The following LYPD8 variants were observed in gnomAD, a reference collection of about 807,000 sequenced individuals.
The protein encoded by LYPD8 is LY6/PLAUR domain containing 8.
Under a neutral mutation model 1.7 loss-of-function variants are expected in LYPD8, and 8 were observed. The ratio of observed to expected loss-of-function variants is 4.58; its 90% CI spans 2.69 to 8.27. LYPD8 has a LOEUF of 8.27. Among genes scored for constraint, LYPD8 ranks in the 30% most tolerant of loss-of-function variants. The pLI, the probability that LYPD8 is intolerant of heterozygous loss-of-function variation, is 0.00. For synonymous variants in LYPD8, 50 were observed against 43.6 expected (o/e 1.15, Z -0.58); for missense variants, 112 against 102.3 (o/e 1.09, Z -0.41).
Position 248,750,535 on chromosome 1 carries a change from C to G in LYPD8, c.161G>C (p.Ser54Thr), listed in dbSNP as rs1662783274. Residue 54 changes from serine (S) to threonine (T), a missense_variant, in exon 4 of 7, where the codon AGC (serine) becomes ACC (threonine). By Grantham distance (58) the Ser-to-Thr change is moderately conservative. Transcript: ENST00000590317. ...ANTSCISSSA[S>T]SSLETPVRLY... ...ACACCCAGGCTCACCTAGAGAGGAG[C>G]TGGCTGAGGAGCTGATACAGCTGGT... is the stretch of plus-strand genomic sequence containing the variant. The G allele has an allele frequency of 2.5e-6, 1 of 398,544 alleles. No individual in the cohort carries two copies. The highest frequency in any genetic ancestry group is 2.1e-5 in the African/African-American group (1 of 48,626). 24.7% of individuals were successfully genotyped at this position (398,544 alleles called of 1,614,324 possible).
intron 2 of LYPD8, among the ~76,000 whole-genome samples, chr1:248,752,659 CCA>C (rs1253200894): frequency 1.1e-5 from 1 of 90,438 alleles, no homozygotes; most frequent in African/African-American, 4.1e-5. Context: ...ACAACACACA[CCA>C]CACACACCAC....
At chr1:248,751,594 C>T (rs1472283218) in intron 2 of LYPD8, among the ~76,000 whole-genome samples, 4 of 152,172 alleles carry the variant, frequency 2.6e-5, no homozygotes, top group Admixed American at 1.3e-4. Context: ...CTATTGAGCA[C>T]TTACTCCATT....
At chr1:248,753,588 CACA>C (rs1250508234) in intron 2 of LYPD8, among the ~76,000 whole-genome samples, 2 of 129,022 alleles carry the variant, frequency 1.6e-5, no homozygotes, top group Admixed American at 7.5e-5. Flanking sequence ...ACACAACACA[CACA>C]ACACAACACA....
At chr1:248,746,079 G>A (rs879022229) in intron 5 of LYPD8, among the ~76,000 whole-genome samples, 16,035 of 152,076 alleles carry the variant, frequency 0.11, 1,214 homozygotes, top group East Asian at 0.31. Context: ...CACCCTTCCC[G>A]TTGTATATGT....
intron 4 of LYPD8, among the ~76,000 whole-genome samples, chr1:248,749,399 G>C (rs1000141378): frequency 3.9e-5 from 6 of 152,172 alleles, no homozygotes; most frequent in African/African-American, 1.2e-4. Flanking sequence ...AACAGTATGT[G>C]TCTTAGTTCA....
chr1:248,746,268 G>A (rs941990120), intron 5 of LYPD8, among the ~76,000 whole-genome samples: 10 of 152,150 alleles, frequency 6.6e-5, no homozygotes, highest in African/African-American at 2.4e-4. Context: ...AAGACATAGA[G>A]TCTTAACAGA....
chr1:248,751,224 A>G, intron 2 of LYPD8, 94 bp from the exon 3 acceptor site: 1 of 396,168 alleles, frequency 2.5e-6, no homozygotes, highest in Admixed American at 4.4e-5. Context: ...CCCAGTACTC[A>G]GTCCATCCTT....
At chr1:248,745,455 G>A (rs1467962930) in intron 5 of LYPD8, among the ~76,000 whole-genome samples, 176 bp from the exon 6 acceptor site, 1 of 152,164 alleles carries the variant, frequency 6.6e-6, no homozygotes, top group African/African-American at 2.4e-5. Flanking sequence ...ACTACACACA[G>A]CTCCACAGAT....
At chr1:248,741,174 C>G (rs1662591443) in intron 6 of LYPD8, among the ~76,000 whole-genome samples, 1 of 152,190 alleles carries the variant, frequency 6.6e-6, no homozygotes, top group Non-Finnish European at 1.5e-5. Flanking sequence ...TAGAAACCTC[C>G]AAATGCTGTT....
chr1:248,748,527 CAA>C lies in LYPD8; in HGVS notation c.173-76_173-75del, dbSNP rs1205843235. 4.5e-5 allele frequency: 18 copies of C among 398,566 alleles called. No homozygotes were observed. The East Asian group carries it at 6.4e-4, about 14-fold the overall frequency. 24.7% of individuals were successfully genotyped at this position (398,566 alleles called of 1,614,324 possible). On this transcript the variant is annotated intron_variant, in intron 4 of 6. Coordinates refer to ENST00000590317, the MANE Select transcript of LYPD8 (RefSeq NM_001085474.2). ...TGGGGAGGGTGGAGACCCAGAATAGCAACTGTTTCAGGCAAAGGCAGAAAATG... is the reference window on the plus strand; with the variant it reads ...TGGGGAGGGTGGAGACCCAGAATAGCCTGTTTCAGGCAAAGGCAGAAAATG...
intron 2 of LYPD8, among the ~76,000 whole-genome samples, chr1:248,753,051 A>ACACACACCC (rs1364770344): frequency 2.5e-5 from 2 of 81,256 alleles, no homozygotes; most frequent in Non-Finnish European, 4.6e-5. Context: ...CACACATCAC[A>ACACACACCC]CACACACCCC....
intron 3 of LYPD8, 105 bp from the exon 4 acceptor site, chr1:248,750,748 C>T (rs971669378): frequency 1.3e-5 from 5 of 397,922 alleles, no homozygotes; most frequent in African/African-American, 2.1e-5. Context: ...AAAAGACAGA[C>T]GGGATGGCAT....
rs1430882538 is a variant in LYPD8 at position 248,748,359 on chromosome 1, A to T, written c.267T>A (p.Ala89=). ...HITAFTVHVS[A]EEHFHFVSQC... is the part of the protein sequence containing the mutation. Reference sequence around the variant, plus strand: ...GGCTTACAAAATGAAAGTGTTCTTCAGCAGACACGTGGACAGTGAAGGCTG... The same window carrying T: ...GGCTTACAAAATGAAAGTGTTCTTCTGCAGACACGTGGACAGTGAAGGCTG... Residue 89 remains alanine, a synonymous_variant, in exon 5 of 7, where the codon GCT becomes GCA. Coordinates refer to ENST00000590317, the MANE Select transcript of LYPD8 (RefSeq NM_001085474.2). 6 of 463,682 alleles carry T rather than the reference A, an allele frequency of 1.3e-5. No homozygotes were observed. Among genetic ancestry groups the T allele is most frequent in the Non-Finnish European group, 1.9e-5 (5 of 265,888 alleles). 28.7% of individuals were successfully genotyped at this position (463,682 alleles called of 1,614,324 possible).
chr1:248,752,283 A>G (rs1662812104), intron 2 of LYPD8, among the ~76,000 whole-genome samples: 2 of 151,958 alleles, frequency 1.3e-5, no homozygotes, highest in Admixed American at 6.6e-5. Context: ...GGCAGAGGCT[A>G]TTAGCCCCAC....
chr1:248,753,235 C>CAA (rs1662855825), intron 2 of LYPD8, among the ~76,000 whole-genome samples: 1 of 93,992 alleles, frequency 1.1e-5, no homozygotes, highest in South Asian at 3.6e-4. Flanking sequence ...CACACACACA[C>CAA]CACACACCCC....
chr1:248,753,491 C>A (rs1470607599), intron 2 of LYPD8, among the ~76,000 whole-genome samples: 2,685 of 116,766 alleles, frequency 0.023, 136 homozygotes, highest in East Asian at 0.077. Context: ...ACACACATCA[C>A]ACAACACACA....
Position 248,748,375 on chromosome 1 carries a change from G to C in LYPD8, c.251C>G (p.Thr84Ser). The C allele has an allele frequency of 2.2e-6, 1 of 451,088 alleles. No homozygotes were observed. The highest frequency in any genetic ancestry group is 3.9e-6 in the Non-Finnish European group (1 of 258,680). The allele number at this position is 451,088 out of a possible 1,614,324, so 27.9% of individuals were successfully genotyped here. A position where few individuals can be genotyped will look rare whatever the true frequency, so the allele number is the denominator to read the frequency against. ...GTGTTCTTCAGCAGACACGTGGACA[G>C]TGAAGGCTGTAATGTGTGTCTCCTC... ...CSEETHITAF[T>S]VHVSAEEHFH... Residue 84 changes from threonine (T) to serine (S), a missense_variant, in exon 5 of 7, where the codon ACT becomes AGT. Coordinates refer to ENST00000590317, the MANE Select transcript of LYPD8 (RefSeq NM_001085474.2).
chr1:248,739,528 AAG>A lies in LYPD8; in HGVS notation c.*81_*82del. On this transcript the variant is annotated 3_prime_UTR_variant, in exon 7 of 7. Coordinates refer to ENST00000590317, the MANE Select transcript of LYPD8 (RefSeq NM_001085474.2). The surrounding 1 kb of genome is among the most constrained non-coding windows in gnomAD (Gnocchi z 4.3). ...GCAGTTAAACGGGGCAGAGCAGGGA[AAG>A]AGGGTGTCAGCACCGCAGGGGGTGC... The A allele has an allele frequency of 4.6e-6, 7 of 1,534,114 alleles. No homozygotes were observed. The South Asian group carries it at 6.1e-5, about 13-fold the overall frequency.
intron 6 of LYPD8, among the ~76,000 whole-genome samples, chr1:248,742,636 G>C (rs868965392): frequency 9.7e-4 from 74 of 76,610 alleles, no homozygotes; most frequent in South Asian, 1.9e-3. Flanking sequence ...TGTTGGCAGC[G>C]GGGGAGATTA....
Sources: gnomAD v4.1 joint callset for allele counts (sites outside exome capture counted in the v4.1 genomes callset) on GRCh38, gnomAD v4.1.1 for gene constraint, Gnocchi (gnomAD v3.1) non-coding constraint, MANE v1.5 for transcripts, NCBI Gene and HGNC (gene_info 2026-07-23, HGNC 2026-07-21) for gene names.